CADM2: variants seen among roughly 807,000 people sequenced by gnomAD.
CADM2 encodes immunoglobulin superfamily member 4D.
In CADM2, 12 loss-of-function variants were observed where a neutral mutation model predicts 49.8. The ratio of observed to expected loss-of-function variants is 0.24; its 90% CI spans 0.15 to 0.39. CADM2 has a LOEUF of 0.39. Ranked by LOEUF, CADM2 falls within the 10% of genes least tolerant of loss-of-function variation. The probability of loss-of-function intolerance (pLI) is 1.00; values close to 1 mark genes in which losing one functional copy is unlikely to be tolerated. For synonymous variants in CADM2, 214 were observed against 175.4 expected, an observed-to-expected ratio of 1.22 and a Z score of -1.74; for missense variants, 378 against 492.3, an observed-to-expected ratio of 0.77 and a Z score of 2.20.
intron 1 of CADM2, among the ~76,000 whole-genome samples, chr3:85,600,885 A>C (rs2107392071): frequency 6.6e-6 from 1 of 151,268 alleles, no homozygotes; most frequent in African/African-American, 2.4e-5. Flanking sequence ...AGGGGTAGTT[A>C]GATGGGGGAA....
At chr3:85,253,294 A>G (rs2042815286) in intron 1 of CADM2, among the ~76,000 whole-genome samples, 1 of 152,080 alleles carries the variant, frequency 6.6e-6, no homozygotes, top group African/African-American at 2.4e-5. Context: ...AATCAAAGTT[A>G]TTATTGTGTG....
At chr3:85,801,015 G>A (rs1250672175) in intron 2 of CADM2, 1 of 152,176 alleles carries the variant, frequency 6.6e-6, no homozygotes, top group African/African-American at 2.4e-5. Context: ...TCTTGCATAT[G>A]TAAATTATCC....
At chr3:85,224,108 G>A (rs2042099217) in intron 1 of CADM2, among the ~76,000 whole-genome samples, 1 of 151,984 alleles carries the variant, frequency 6.6e-6, no homozygotes, top group African/African-American at 2.4e-5. Context: ...TAATCCTTTG[G>A]GTATATACCC....
chr3:85,810,105 T>C (rs900041808), intron 3 of CADM2, among the ~76,000 whole-genome samples: 2 of 152,080 alleles, frequency 1.3e-5, no homozygotes, highest in African/African-American at 4.8e-5. Context: ...CATCCTACTT[T>C]GGTGTCTGTA....
chr3:85,082,832 T>C (rs1575826866), intron 1 of CADM2, among the ~76,000 whole-genome samples: 1 of 152,230 alleles, frequency 6.6e-6, no homozygotes. Context: ...TGTGTAGCAA[T>C]GTTGGCAGCA....
intron 1 of CADM2, among the ~76,000 whole-genome samples, chr3:85,202,207 C>T (rs978423849): frequency 6.6e-6 from 1 of 151,874 alleles, no homozygotes; most frequent in African/African-American, 2.4e-5. Flanking sequence ...TTCCAAATTC[C>T]TGTTGATCTT....
chr3:86,012,793 G>A (rs925292998), intron 8 of CADM2: 4 of 579,838 alleles, frequency 6.9e-6, no homozygotes, highest in East Asian at 3.3e-5. Flanking sequence ...TGGCTAACAC[G>A]GTGAAACCCC....
In CADM2 at chr3:85,444,574, T is replaced by G. The variant is rs563441979; in HGVS notation, c.62-281948T>G. Among the ~76,000 whole-genome samples, 17 of 152,170 alleles carry G rather than the reference T, an allele frequency of 1.1e-4. No individual in the cohort carries two copies. In the East Asian group the frequency reaches 3.3e-3, roughly 29 times the overall value. ...TTCAACTCTTTAAAATAACATTTTG[T>G]AAATAGAGCTTTCGTGACCACCTCA... is the stretch of plus-strand genomic sequence containing the variant. On this transcript the variant is annotated intron_variant, in intron 1 of 9. Transcript: ENST00000383699.
chr3:85,335,202 A>G (rs887254520), intron 1 of CADM2, among the ~76,000 whole-genome samples: 1 of 151,534 alleles, frequency 6.6e-6, no homozygotes, highest in African/African-American at 2.4e-5. Flanking sequence ...AACCTTCTGT[A>G]ACCTAGCTTC....
At chr3:85,571,272 A>T (rs968524974) in intron 1 of CADM2, among the ~76,000 whole-genome samples, 7 of 152,316 alleles carry the variant, frequency 4.6e-5, no homozygotes, top group East Asian at 1.9e-4. Flanking sequence ...GGTGTTAATA[A>T]TTTATGTCAG....
chr3:85,378,016 A>T (rs973199132), intron 1 of CADM2, among the ~76,000 whole-genome samples: 1 of 151,920 alleles, frequency 6.6e-6, no homozygotes, highest in African/African-American at 2.4e-5. Flanking sequence ...TATTTCCTAA[A>T]TTTTTCAGGA....
chr3:85,316,206 T>A (rs1260724442), intron 1 of CADM2, among the ~76,000 whole-genome samples: 1 of 152,206 alleles, frequency 6.6e-6, no homozygotes, highest in East Asian at 1.9e-4. Context: ...ATATTTCATG[T>A]CTATGCTTTA....
At position 85,601,436 on chromosome 3, in the gene CADM2, AC is replaced by A. The variant is rs1021926992; in HGVS notation, c.62-125085del. ...TCACAATACATTAACTCAATGAACT[AC>A]TGTTTTTCAAAATTTCTGAATGTGT... On this transcript the variant is annotated intron_variant, in intron 1 of 9. Transcript: ENST00000383699. 9.9e-5 allele frequency among the ~76,000 whole-genome samples: 15 copies of A among 151,232 alleles called. No homozygotes were observed. In the South Asian group the frequency reaches 3.1e-3, roughly 31 times the overall value.
chr3:85,568,467 T>TTCTCTTTC (rs2062362317), intron 1 of CADM2, among the ~76,000 whole-genome samples: 8 of 24,508 alleles, frequency 3.3e-4, no homozygotes, highest in African/African-American at 9.8e-4. Flanking sequence ...TTCTTTCTCT[T>TTCTCTTTC]TCTCTCTCTT....
chr3:86,000,329 G>T (rs917979905), intron 8 of CADM2, among the ~76,000 whole-genome samples: 3 of 152,058 alleles, frequency 2.0e-5, no homozygotes. Context: ...TGAAAAAGAG[G>T]GCTTAGTAGG....
chr3:85,367,146 A>T (rs530693157), intron 1 of CADM2, among the ~76,000 whole-genome samples: 11 of 152,178 alleles, frequency 7.2e-5, no homozygotes, highest in African/African-American at 2.6e-4. Flanking sequence ...TAATATTCAT[A>T]TACCCTCTGA....
At chr3:85,674,961 C>G (rs1421322737) in intron 1 of CADM2, among the ~76,000 whole-genome samples, 3 of 152,052 alleles carry the variant, frequency 2.0e-5, no homozygotes, top group African/African-American at 7.2e-5. Flanking sequence ...CTAAGTCATT[C>G]TTAAGTTTTG....
At chr3:85,939,468 A>AACACAC (rs373804679) in intron 7 of CADM2, among the ~76,000 whole-genome samples, 7,817 of 137,014 alleles carry the variant, frequency 0.057, 636 homozygotes, top group African/African-American at 0.18. Context: ...AGTAAACGAA[A>AACACAC]ACACACACAC....
At chr3:85,569,923 C>A (rs1377022310) in intron 1 of CADM2, among the ~76,000 whole-genome samples, 1 of 152,020 alleles carries the variant, frequency 6.6e-6, no homozygotes, top group Non-Finnish European at 1.5e-5. Context: ...GCAGAACTGG[C>A]TGAATTATGT....
Sources: allele counts gnomAD v4.1 joint callset (sites outside exome capture counted in the v4.1 genomes callset), GRCh38; gene constraint gnomAD v4.1.1; transcripts MANE v1.5; gene names NCBI Gene and HGNC (gene_info 2026-07-23, HGNC 2026-07-21).